TBC1D4: variants seen among roughly 807,000 people sequenced by gnomAD.
TBC1D4 encodes TBC (Tre-2, BUB2, CDC16) domain-containing protein.
TBC1D4 carries 121 observed loss-of-function variants against 142.5 expected under a neutral mutation model. The observed-to-expected ratio is 0.85, with a 90% CI of 0.73 to 0.99. TBC1D4 has a LOEUF of 0.99. TBC1D4 is among the 50% of genes least tolerant of loss of function. The pLI is 0.00. For missense variants in TBC1D4, 1,475 were observed against 1,606.6 expected, an observed-to-expected ratio of 0.92 and a Z score of 1.40; for synonymous variants, 630 against 628.2, an observed-to-expected ratio of 1.00 and a Z score of -0.04.
intron 4 of TBC1D4, among the ~76,000 whole-genome samples, chr13:75,349,621 T>A (rs1881439584): frequency 6.6e-6 from 1 of 152,238 alleles, no homozygotes; most frequent in East Asian, 1.9e-4. Context: ...TTCTGTTTAA[T>A]TATATGCTTT....
At chr13:75,413,986 A>C (rs79954378) in intron 1 of TBC1D4, among the ~76,000 whole-genome samples, 4 of 152,192 alleles carry the variant, frequency 2.6e-5, no homozygotes, top group Non-Finnish European at 5.9e-5. Context: ...GAAAAAAACA[A>C]TTGTCTCTTC....
At chr13:75,425,417 A>T (rs1886337502) in intron 1 of TBC1D4, among the ~76,000 whole-genome samples, 1 of 152,206 alleles carries the variant, frequency 6.6e-6, no homozygotes, top group African/African-American at 2.4e-5. Flanking sequence ...AACAGTATAG[A>T]GGTTCCTCAA....
chr13:75,470,268 C>G (rs753287386), intron 1 of TBC1D4, among the ~76,000 whole-genome samples: 1 of 152,088 alleles, frequency 6.6e-6, no homozygotes, highest in Non-Finnish European at 1.5e-5. Context: ...AAAACATAAA[C>G]AATATATGAA....
chr13:75,481,647 C>G lies in TBC1D4; in HGVS notation c.121G>C (p.Val41Leu). 6.2e-7 allele frequency: 1 copy of G among 1,604,472 alleles called. No individual in the cohort carries two copies. The highest frequency in any genetic ancestry group is 2.2e-5 in the East Asian group (1 of 44,556). The part of the protein sequence containing the change: ...PSDKRFRLWY[V>L]GGSCLDHRTT... The stretch of plus-strand genomic sequence containing the variant: ...CTGTGGTCCAGGCACGACCCCCCAA[C>G]GTACCACAGCCGGAACCGCTTATCG... Residue 41 changes from valine (V) to leucine (L), a missense_variant, in exon 1 of 21, where the codon GTT becomes CTT. This residue lies in a region of TBC1D4 where 1,227 missense variants were observed against 1,267.7 expected (regional missense o/e 0.97). Coordinates refer to ENST00000377636, the MANE Select transcript of TBC1D4 (RefSeq NM_014832.5).
chr13:75,362,110 T>C lies in TBC1D4; in HGVS notation c.996A>G (p.Lys332=), dbSNP rs1882573134. The C allele has an allele frequency of 6.2e-7, 1 of 1,613,656 alleles. No individual in the cohort carries two copies. The highest frequency in any genetic ancestry group is 1.3e-5 in the African/African-American group (1 of 74,804). ...TCGCGTGTCTCCGTCGCGGCTGGGA[T>C]TTCTGGCTGCCCTCGTGAACTCTCC... ...VQRRVHEGSQ[K]SQPRRRHASA... is the part of the protein sequence containing the mutation. The change falls in exon 2 of 21, where the codon AAA becomes AAG. Residue 332 remains lysine, a synonymous_variant. Coordinates refer to ENST00000377636, the MANE Select transcript of TBC1D4 (RefSeq NM_014832.5). This position sits in a 1 kb window ranked among gnomAD's most constrained non-coding sequence, Gnocchi z 4.2.
chr13:75,460,041 G>C (rs1219469469), intron 1 of TBC1D4, among the ~76,000 whole-genome samples: 1 of 152,110 alleles, frequency 6.6e-6, no homozygotes, highest in Admixed American at 6.5e-5. Context: ...TACTTGGGAG[G>C]CTGAGGCAGG....
chr13:75,394,014 C>G (rs142446149), intron 1 of TBC1D4, among the ~76,000 whole-genome samples: 1 of 152,112 alleles, frequency 6.6e-6, no homozygotes, highest in African/African-American at 2.4e-5. Flanking sequence ...ATGAGTCAGT[C>G]TATCAGAATG....
intron 1 of TBC1D4, among the ~76,000 whole-genome samples, chr13:75,470,304 A>C (rs1888347094): frequency 6.6e-6 from 1 of 152,218 alleles, no homozygotes; most frequent in Non-Finnish European, 1.5e-5. Context: ...GTGTTCAAAT[A>C]AACTGTATTT....
chr13:75,376,772 C>CATA (rs1883534518), intron 1 of TBC1D4, among the ~76,000 whole-genome samples: 5 of 152,170 alleles, frequency 3.3e-5, no homozygotes, highest in Admixed American at 3.3e-4. Context: ...CTTACTTCAA[C>CATA]CAGTAATATG....
intron 1 of TBC1D4, among the ~76,000 whole-genome samples, chr13:75,422,866 C>T (rs767758586): frequency 2.0e-4 from 30 of 152,062 alleles, no homozygotes; most frequent in Non-Finnish European, 4.0e-4. Flanking sequence ...CAGCTACTCT[C>T]GGTTTTTAAA....
intron 1 of TBC1D4, among the ~76,000 whole-genome samples, chr13:75,442,236 T>G (rs1422028928): frequency 6.6e-6 from 1 of 152,232 alleles, no homozygotes; most frequent in African/African-American, 2.4e-5. Context: ...AAACCTCAGT[T>G]TCTTCATCTG....
At chr13:75,392,505 C>T (rs1012026688) in intron 1 of TBC1D4, among the ~76,000 whole-genome samples, 9 of 152,148 alleles carry the variant, frequency 5.9e-5, no homozygotes, top group African/African-American at 2.2e-4. Flanking sequence ...ACTTTAATAT[C>T]GCACTGTCCC....
chr13:75,352,565 G>C (rs1555308832), intron 4 of TBC1D4, among the ~76,000 whole-genome samples: 1 of 152,002 alleles, frequency 6.6e-6, no homozygotes, highest in Non-Finnish European at 1.5e-5. Context: ...TCAAGGGTTG[G>C]TTAAACAAGA....
chr13:75,357,465 T>C (rs1882143672), intron 3 of TBC1D4, among the ~76,000 whole-genome samples: 1 of 152,186 alleles, frequency 6.6e-6, no homozygotes, highest in African/African-American at 2.4e-5. Context: ...TTCTCTCCTA[T>C]AACATTCCCT....
Position 75,313,406 on chromosome 13 carries a change from C to A in TBC1D4, c.2223-508G>T, listed in dbSNP as rs192767120. ...ACAGTTGAATCATGGCAGATGATAA[C>A]CTGAATATAAGCAGAACAGTCAACC... On this transcript the variant is annotated intron_variant, in intron 12 of 20. Coordinates refer to ENST00000377636, the MANE Select transcript of TBC1D4 (RefSeq NM_014832.5). 2.5e-3 allele frequency among the ~76,000 whole-genome samples: 376 copies of A among 152,182 alleles called. 6 individuals are homozygous for A. The highest frequency in any genetic ancestry group is 0.021 in the Admixed American group (324 of 15,288).
intron 15 of TBC1D4, among the ~76,000 whole-genome samples, chr13:75,304,703 G>A (rs1367707034): frequency 6.6e-6 from 1 of 152,078 alleles, no homozygotes; most frequent in Non-Finnish European, 1.5e-5. Flanking sequence ...CCGCATAAAG[G>A]CCCTGAGACG....
intron 4 of TBC1D4, among the ~76,000 whole-genome samples, chr13:75,353,790 T>C (rs1322008079): frequency 6.6e-6 from 1 of 152,128 alleles, no homozygotes; most frequent in Non-Finnish European, 1.5e-5. Flanking sequence ...AACTAAAGCA[T>C]TGCACACTCT....
At chr13:75,423,855 G>A (rs1308576491) in intron 1 of TBC1D4, among the ~76,000 whole-genome samples, 1 of 152,144 alleles carries the variant, frequency 6.6e-6, no homozygotes, top group Non-Finnish European at 1.5e-5. Flanking sequence ...TGTTTAATGG[G>A]TACAGAGTTT....
At chr13:75,343,573 A>G (rs1358425139) in intron 5 of TBC1D4, among the ~76,000 whole-genome samples, 1 of 151,992 alleles carries the variant, frequency 6.6e-6, no homozygotes, top group Non-Finnish European at 1.5e-5. Context: ...GCTGGAGTGC[A>G]ATGGCGCGAT....
Sources: allele counts gnomAD v4.1 joint callset (sites outside exome capture counted in the v4.1 genomes callset), GRCh38; gene constraint gnomAD v4.1.1; regional missense constraint gnomAD v4.1.1; non-coding constraint Gnocchi (gnomAD v3.1); transcripts MANE v1.5; gene names NCBI Gene and HGNC (gene_info 2026-07-23, HGNC 2026-07-21).